The following COL4A4 variants were observed in gnomAD, a reference collection of about 807,000 sequenced individuals.
COL4A4 encodes the protein collagen type IV alpha 4 chain.
COL4A4 carries 105 observed loss-of-function variants against 192.9 expected under a neutral mutation model. That is an observed-to-expected ratio of 0.54 (90% CI 0.46 to 0.64). The LOEUF is 0.64. COL4A4 is among the 30% of genes least tolerant of loss of function. The pLI, the probability that COL4A4 is intolerant of heterozygous loss-of-function variation, is 0.00. For synonymous variants in COL4A4, 762 were observed against 769.9 expected (o/e 0.99, Z 0.17); for missense variants, 1,967 against 2,169.3 (o/e 0.91, Z 1.85).
chr2:227,156,912 G>A (rs1011978519), intron 1 of COL4A4, among the ~76,000 whole-genome samples: 6 of 152,204 alleles, frequency 3.9e-5, no homozygotes, highest in Middle Eastern at 3.4e-3. Context: ...ATCTTCTCTT[G>A]GTTATTGATA....
the COL4A4 span, among the ~76,000 whole-genome samples, chr2:226,979,142 C>T: frequency 4.6e-5 from 7 of 152,104 alleles, no homozygotes; most frequent in Admixed American, 6.5e-5. Context: ...GCAGCGCAGC[C>T]GTCAGTCTGA....
intron 23 of COL4A4, 146 bp from the exon 24 acceptor site, chr2:227,080,695 C>A: frequency 1.4e-6 from 1 of 692,488 alleles, no homozygotes; most frequent in South Asian, 1.6e-5. Context: ...TAAAACATGC[C>A]AAAGCCAGAG....
intron 5 of COL4A4, 91 bp from the exon 6 acceptor site, chr2:227,120,030 T>G (rs1157071551): frequency 1.6e-5 from 16 of 1,003,022 alleles, no homozygotes; most frequent in Non-Finnish European, 2.2e-5. Context: ...TTACTCATCT[T>G]TAAACATGCT....
At chr2:227,039,006 G>T (rs1970264073) in intron 37 of COL4A4, among the ~76,000 whole-genome samples, 1 of 152,172 alleles carries the variant, frequency 6.6e-6, no homozygotes, top group Non-Finnish European at 1.5e-5. Flanking sequence ...GAGCACCACT[G>T]CAACATCTGT....
At chr2:227,096,583 A>C (rs1336180475) in intron 19 of COL4A4, among the ~76,000 whole-genome samples, 1 of 152,210 alleles carries the variant, frequency 6.6e-6, no homozygotes, top group Non-Finnish European at 1.5e-5. Context: ...TGTAGTAATA[A>C]TAGCTAATAT....
intron 19 of COL4A4, among the ~76,000 whole-genome samples, chr2:227,095,492 A>G (rs949766562): frequency 3.3e-5 from 5 of 152,372 alleles, no homozygotes; most frequent in Middle Eastern, 3.4e-3. Flanking sequence ...GCACATGCTC[A>G]GTGAATGTTC....
chr2:226,998,351 G>C (rs1234842703), downstream of COL4A4: 1 of 152,188 alleles, frequency 6.6e-6, no homozygotes, highest in Non-Finnish European at 1.5e-5. Context: ...TGGGGAGTAA[G>C]CAAGCTAAAG....
In COL4A4 at chr2:227,057,370, A is replaced by G. The variant is rs985221882; in HGVS notation, c.2545+69T>C. 9 of 1,516,952 alleles carry G rather than the reference A, an allele frequency of 5.9e-6. No homozygotes were observed. In the African/African-American group the frequency reaches 1.1e-4, roughly 19 times the overall value. 94.0% of individuals were successfully genotyped at this position (1,516,952 alleles called of 1,614,324 possible). On this transcript the variant is annotated intron_variant, in intron 29 of 47. Coordinates refer to ENST00000396625, the MANE Select transcript of COL4A4 (RefSeq NM_000092.5). ...TTGCTTCTGGCAGCATCCATAAAAGAGTAAAAGGGGAGCTTATTTAATTGT... is the reference window on the plus strand; with the variant it reads ...TTGCTTCTGGCAGCATCCATAAAAGGGTAAAAGGGGAGCTTATTTAATTGT...
chr2:226,985,585 CGAGCTGTAGCTCAATGGTTCTCAAAGGCT>C, the COL4A4 span, among the ~76,000 whole-genome samples: 1 of 152,182 alleles, frequency 6.6e-6, no homozygotes, highest in Non-Finnish European at 1.5e-5. Flanking sequence ...AAGAAAAATC[CGAGCTGTAGCTCAATGGTTCTCAAAGGCT>C]GATGTACATC....
the COL4A4 span, among the ~76,000 whole-genome samples, chr2:226,987,554 T>C: frequency 2.6e-5 from 4 of 152,096 alleles, no homozygotes; most frequent in Non-Finnish European, 4.4e-5. Flanking sequence ...CTCTCCCATC[T>C]CTCCACCACC....
chr2:227,131,777 A>G (rs1220880887), intron 4 of COL4A4, among the ~76,000 whole-genome samples: 2 of 152,174 alleles, frequency 1.3e-5, no homozygotes, highest in African/African-American at 4.8e-5. Context: ...ATGCACCTTT[A>G]TAAGGAGGAC....
intron 35 of COL4A4, among the ~76,000 whole-genome samples, chr2:227,045,265 T>C (rs1437065694): frequency 3.3e-5 from 5 of 152,106 alleles, no homozygotes; most frequent in African/African-American, 1.2e-4. Context: ...ATAGGGCCAG[T>C]TTACAGGTGA....
intron 10 of COL4A4, 67 bp from the exon 11 acceptor site, chr2:227,108,935 G>A (rs754077442): frequency 8.8e-6 from 13 of 1,482,668 alleles, no homozygotes; most frequent in Non-Finnish European, 1.2e-5. Context: ...GCCTTCTTTT[G>A]TTACCCCAAA....
chr2:227,148,989 C>G (rs2063739636), intron 1 of COL4A4, among the ~76,000 whole-genome samples: 1 of 151,794 alleles, frequency 6.6e-6, no homozygotes, highest in African/African-American at 2.4e-5. Context: ...TGCCACCACA[C>G]CCGGCTAATT....
chr2:227,149,308 T>C (rs917495708), intron 1 of COL4A4, among the ~76,000 whole-genome samples: 3 of 152,234 alleles, frequency 2.0e-5, no homozygotes, highest in South Asian at 2.1e-4. Context: ...GATCTTTTCC[T>C]ATCCCTAAAT....
chr2:227,117,259 C>T (rs1009964786), intron 7 of COL4A4, among the ~76,000 whole-genome samples: 6 of 152,134 alleles, frequency 3.9e-5, no homozygotes, highest in Admixed American at 2.6e-4. Flanking sequence ...GCTGGTACTG[C>T]ATGCTATGTT....
At chr2:226,976,110 G>T in the COL4A4 span, among the ~76,000 whole-genome samples, 1 of 151,510 alleles carries the variant, frequency 6.6e-6, no homozygotes, top group Admixed American at 6.6e-5. Flanking sequence ...CCAAGTTTTT[G>T]GTACTAGGGA....
intron 9 of COL4A4, among the ~76,000 whole-genome samples, chr2:227,110,184 G>C (rs79214445): frequency 0.076 from 11,554 of 152,100 alleles, 870 homozygotes; most frequent in African/African-American, 0.2. Flanking sequence ...GATGTTCCCC[G>C]GGCTCCTGCT....
chr2:227,111,862 A>C, intron 8 of COL4A4, 149 bp from the exon 9 acceptor site: 2 of 785,572 alleles, frequency 2.5e-6, no homozygotes, highest in South Asian at 3.0e-5. Context: ...TGAGGAAGGG[A>C]TATGCGGAGG....
Sources: gnomAD v4.1 joint callset for allele counts (sites outside exome capture counted in the v4.1 genomes callset) on GRCh38, gnomAD v4.1.1 for gene constraint, MANE v1.5 for transcripts, NCBI Gene and HGNC (gene_info 2026-07-23, HGNC 2026-07-21) for gene names.